The following SFR1 variants were observed in gnomAD, a reference collection of about 807,000 sequenced individuals.
SFR1 encodes swi5-dependent recombination DNA repair protein 1 homolog.
In SFR1, 24 loss-of-function variants were observed where a neutral mutation model predicts 26.2. The observed-to-expected ratio is 0.92, with a 90% confidence interval of 0.66 to 1.29. The LOEUF is 1.29. Among genes scored for constraint, SFR1 ranks in the 50% most tolerant of loss-of-function variants. The pLI, the probability that SFR1 is intolerant of heterozygous loss-of-function variation, is 0.00. For missense variants in SFR1, 276 were observed against 270.2 expected, an observed-to-expected ratio of 1.02 and a Z score of -0.15; for synonymous variants, 77 against 96.6, an observed-to-expected ratio of 0.80 and a Z score of 1.19.
intron 2 of SFR1, chr10:104,123,365 T>C: frequency 2.5e-6 from 1 of 401,012 alleles, no homozygotes; most frequent in Non-Finnish European, 4.4e-6. Context: ...GCAATATTAT[T>C]ATGAAGGTCT....
rs1261840951 is a variant in SFR1 at position 104,124,021 on chromosome 10, C to T, written c.443C>T (p.Pro148Leu). 1.9e-6 allele frequency: 3 copies of T among 1,613,948 alleles called. No individual in the cohort carries two copies. Among genetic ancestry groups the T allele is most frequent in the South Asian group, 2.2e-5 (2 of 91,074 alleles). Residue 148 changes from proline (P) to leucine (L), a missense_variant, in exon 3 of 4, where the codon CCT becomes CTT. Coordinates refer to ENST00000369727, the MANE Select transcript of SFR1 (RefSeq NM_001002759.2). ...AATGAGTTTGTGAGTGAGAAGCTTC[C>T]TAAACAAAGATTAAACGCTGAAAAA... ...LQNEFVSEKL[P>L]KQRLNAEKAK...
At chr10:104,123,385 G>T in intron 2 of SFR1, 1 of 382,164 alleles carries the variant, frequency 2.6e-6, no homozygotes, top group Non-Finnish European at 4.6e-6. Flanking sequence ...TTTAGTGGCA[G>T]AGTCTAGGTC....
At chr10:104,121,930 G>C (rs2086966627), upstream of SFR1, 2 of 491,004 alleles carry the variant, frequency 4.1e-6, no homozygotes, top group South Asian at 5.2e-5. Flanking sequence ...TGGGCGGGGA[G>C]AGCCGCGCGC....
Position 104,125,718 on chromosome 10 carries a change from C to T in SFR1, c.*14C>T, listed in dbSNP as rs760827823. The T allele has an allele frequency of 4.0e-5, 62 of 1,535,326 alleles. No individual in the cohort carries two copies. Among genetic ancestry groups the T allele is most frequent in the Non-Finnish European group, 5.5e-5 (62 of 1,126,952 alleles). On this transcript the variant is annotated 3_prime_UTR_variant, in exon 4 of 4. Transcript: ENST00000369727. Reference sequence around the variant, plus strand: ...ATAGATGTTTAATTCCTGATTTTTGCTCCAGAATATCTTTGAGAATGACAA... The same window carrying T: ...ATAGATGTTTAATTCCTGATTTTTGTTCCAGAATATCTTTGAGAATGACAA...
rs998966218 is a variant in SFR1 at position 104,122,188 on chromosome 10, C to T, written c.5C>T (p.Ala2Val). The change falls in exon 1 of 4, where the codon GCG (alanine) becomes GTG (valine). Residue 2 changes from alanine (A) to valine (V), a missense_variant. Transcript: ENST00000369727. Reference protein sequence around the residue: MAEGEKNQDFTF... With the variant: MVEGEKNQDFTF... ...GCTTTTTTGCTCTCGCTGGGAATGGCGGAGGGAGGTACCCTGCTGAGGGGA... is the reference window on the plus strand; with the variant it reads ...GCTTTTTTGCTCTCGCTGGGAATGGTGGAGGGAGGTACCCTGCTGAGGGGA... The T allele has an allele frequency of 7.8e-6, 12 of 1,546,964 alleles. No individual in the cohort carries two copies. Among genetic ancestry groups the T allele is most frequent in the South Asian group, 2.4e-5 (2 of 83,958 alleles).
rs891602305 is a variant in SFR1 at position 104,126,383 on chromosome 10, A to G, written c.*679A>G. 2 of 152,606 alleles carry G rather than the reference A, an allele frequency of 1.3e-5. No individual in the cohort carries two copies. Among genetic ancestry groups the G allele is most frequent in the Admixed American group, 1.3e-4 (2 of 15,272 alleles). The allele number at this position is 152,606 out of a possible 1,614,324, so 9.5% of individuals were successfully genotyped here. A position where few individuals can be genotyped will look rare whatever the true frequency, so the allele number is the denominator to read the frequency against. ...TAATTAAACTTATATGTCCAAAACC[A>G]TATTCTTCCCTGTCTCTTCAAATGT... On this transcript the variant is annotated 3_prime_UTR_variant, in exon 4 of 4. Transcript: ENST00000369727.
intron 1 of SFR1, chr10:104,122,731 C>T: frequency 2.1e-6 from 3 of 1,426,346 alleles, no homozygotes; most frequent in Non-Finnish European, 2.7e-6. Flanking sequence ...CAAGGAGAGT[C>T]TTGTGACTAT....
In SFR1 at chr10:104,125,735, G is replaced by T. The variant is rs2134710121; in HGVS notation, c.*31G>T. 7.0e-7 allele frequency: 1 copy of T among 1,425,928 alleles called. No homozygotes were observed. Among genetic ancestry groups the T allele is most frequent in the South Asian group, 1.2e-5 (1 of 80,036 alleles). 88.3% of individuals were successfully genotyped at this position (1,425,928 alleles called of 1,614,324 possible). On this transcript the variant is annotated 3_prime_UTR_variant, in exon 4 of 4. Transcript: ENST00000369727. Reference sequence around the variant, plus strand: ...GATTTTTGCTCCAGAATATCTTTGAGAATGACAACTTAATTAAAAGATACT... The same window carrying T: ...GATTTTTGCTCCAGAATATCTTTGATAATGACAACTTAATTAAAAGATACT...
intron 1 of SFR1, 30 bp from the exon 2 acceptor site, chr10:104,122,935 T>A: frequency 1.2e-6 from 2 of 1,608,024 alleles, no homozygotes; most frequent in South Asian, 2.2e-5. Flanking sequence ...GTGTGGTTAA[T>A]TCGATTATTT....
chr10:104,125,325 A>G (rs962451772), intron 3 of SFR1, among the ~76,000 whole-genome samples, 188 bp from the exon 4 acceptor site: 7 of 152,242 alleles, frequency 4.6e-5, no homozygotes, highest in African/African-American at 7.2e-5. Flanking sequence ...CAAAATAGCC[A>G]TAGAACTCAA....
chr10:104,121,855 C>T (rs2086965411), upstream of SFR1, among the ~76,000 whole-genome samples: 1 of 152,210 alleles, frequency 6.6e-6, no homozygotes, highest in South Asian at 2.1e-4. Flanking sequence ...CTCAGCCTCG[C>T]CCGCCCCGAA....
upstream of SFR1, among the ~76,000 whole-genome samples, chr10:104,120,237 G>A (rs186369392): frequency 6.4e-4 from 97 of 152,312 alleles, no homozygotes; most frequent in African/African-American, 2.2e-3. Flanking sequence ...AAATCATTCT[G>A]CTTTTTCTTT....
At position 104,123,007 on chromosome 10, in the gene SFR1, A is replaced by G. The variant is rs10786783; in HGVS notation, c.56A>G (p.Asp19Gly). The G allele has an allele frequency of 0.17, 275,819 of 1,613,054 alleles. 25,593 individuals are homozygous for G. The highest frequency in any genetic ancestry group is 0.35 in the African/African-American group (26,200 of 74,846). ...DFTFKMESPS[D>G]SAVVLPSTPQ... The stretch of plus-strand genomic sequence containing the variant: ...ACTTTCAAGATGGAAAGTCCGTCAG[A>G]CTCAGCTGTGGTTTTACCTAGCACT... The change falls in exon 2 of 4, where the codon GAC becomes GGC. Residue 19 changes from aspartate (D) to glycine (G), a missense_variant. By Grantham distance (94) the Asp-to-Gly change is moderately conservative (BLOSUM62 -1). Coordinates refer to ENST00000369727, the MANE Select transcript of SFR1 (RefSeq NM_001002759.2).
chr10:104,121,014 T>C (rs557471850), upstream of SFR1, among the ~76,000 whole-genome samples: 64 of 152,216 alleles, frequency 4.2e-4, no homozygotes, highest in African/African-American at 1.5e-3. Flanking sequence ...ACTCAGAAGT[T>C]ACTCAACTCT....
At chr10:104,124,702 T>A (rs1933890) in intron 3 of SFR1, among the ~76,000 whole-genome samples, 32,343 of 151,986 alleles carry the variant, frequency 0.21, 4,019 homozygotes, top group African/African-American at 0.35. Context: ...GTGGAATAAG[T>A]GATGGGATAG....
chr10:104,124,742 G>C (rs2087007247), intron 3 of SFR1, among the ~76,000 whole-genome samples: 1 of 151,860 alleles, frequency 6.6e-6, no homozygotes, highest in Non-Finnish European at 1.5e-5. Flanking sequence ...TGAAATTCTG[G>C]AGTTTTTAAA....
chr10:104,120,588 G>C (rs2086951475), upstream of SFR1, among the ~76,000 whole-genome samples: 1 of 152,096 alleles, frequency 6.6e-6, no homozygotes, highest in Admixed American at 6.5e-5. Context: ...AAATCCATTA[G>C]GGAATGGTGA....
rs746642170 is a variant in SFR1, at chr10:104,123,876, G to T, written c.298G>T (p.Glu100Ter). 2.5e-6 allele frequency: 4 copies of T among 1,613,070 alleles called. No homozygotes were observed. Among genetic ancestry groups the T allele is most frequent in the Non-Finnish European group, 1.7e-6 (2 of 1,179,848 alleles). ...STEENCLEFQ[E>*]SFKHIDSEFE... ...AGAGGAAAACTGTTTGGAATTTCAA[G>T]AAAGTTTTAAACATATAGACAGTGA... The change falls in exon 3 of 4, where the codon GAA becomes TAA. Residue 100 changes from glutamate (E) to a stop codon, truncating the protein, a stop_gained. Coordinates refer to ENST00000369727, the MANE Select transcript of SFR1 (RefSeq NM_001002759.2). LOFTEE classifies it high-confidence loss of function.
Position 104,125,548 on chromosome 10 carries a change from G to C in SFR1, c.582G>C (p.Lys194Asn). The part of the protein sequence containing the change: ...DLSQLQLLIK[K>N]WRSCSQLLLY... ...CTCAGTTACAGTTGTTAATAAAGAA[G>C]TGGAGAAGCTGTAGCCAGCTCTTGC... Residue 194 changes from lysine (K) to asparagine (N), a missense_variant, in exon 4 of 4, where the codon AAG (lysine) becomes AAC (asparagine). Coordinates refer to ENST00000369727, the MANE Select transcript of SFR1 (RefSeq NM_001002759.2). 6.2e-7 allele frequency: 1 copy of C among 1,612,756 alleles called. No homozygotes were observed. The highest frequency in any genetic ancestry group is 8.5e-7 in the Non-Finnish European group (1 of 1,179,580).
Sources: allele counts gnomAD v4.1 joint callset (sites outside exome capture counted in the v4.1 genomes callset), GRCh38; gene constraint gnomAD v4.1.1; transcripts MANE v1.5; gene names NCBI Gene and HGNC (gene_info 2026-07-23, HGNC 2026-07-21).